Variants in RIMS3 observed in about 807,000 individuals in gnomAD.
RIMS3 encodes the protein regulating synaptic membrane exocytosis protein 3.
Under a neutral mutation model 29.2 loss-of-function variants are expected in RIMS3, and 15 were observed. That is an observed-to-expected ratio of 0.51 (90% CI 0.34 to 0.79). The LOEUF is 0.79. Among genes scored for constraint, RIMS3 ranks in the 30% least tolerant of loss-of-function variants. The pLI is 0.01. For synonymous variants in RIMS3, 161 were observed against 170.1 expected, an observed-to-expected ratio of 0.95 and a Z score of 0.41; for missense variants, 342 against 421.4, an observed-to-expected ratio of 0.81 and a Z score of 1.65.
rs1055186908 is a variant in RIMS3 at position 40,625,944 on chromosome 1, C to T, written c.*573G>A. On this transcript the variant is annotated 3_prime_UTR_variant, in exon 8 of 8. Transcript: ENST00000372684. ...TCAGTGGCAGGAAGAGCTGCCGGAG[C>T]GGCTCCAGTGGGGTGGGGTTCCCAG... is the stretch of plus-strand genomic sequence containing the variant. 20 of 168,592 alleles carry T rather than the reference C, an allele frequency of 1.2e-4. No individual in the cohort carries two copies. In the South Asian group the frequency reaches 1.4e-3, roughly 12 times the overall value. 10.4% of individuals were successfully genotyped at this position (168,592 alleles called of 1,614,324 possible).
chr1:40,644,231 T>C (rs1646579913), intron 2 of RIMS3, among the ~76,000 whole-genome samples: 1 of 152,238 alleles, frequency 6.6e-6, no homozygotes, highest in Non-Finnish European at 1.5e-5. Context: ...TGTGAGACAA[T>C]ACATTTTCCA....
chr1:40,626,400 A>G lies in RIMS3; in HGVS notation c.*117T>C. 1.0e-6 allele frequency: 1 copy of G among 963,206 alleles called. No homozygotes were observed. Among genetic ancestry groups the G allele is most frequent in the Non-Finnish European group, 1.6e-6 (1 of 622,058 alleles). 59.7% of individuals were successfully genotyped at this position (963,206 alleles called of 1,614,324 possible). ...GCCAGCTGGGATGAGCCCAGTAGCC[A>G]ACAGGCATGCAGCAGGACAAGGGGT... On this transcript the variant is annotated 3_prime_UTR_variant, in exon 8 of 8. Transcript: ENST00000372684.
intron 1 of RIMS3, among the ~76,000 whole-genome samples, chr1:40,660,369 T>C (rs905456444): frequency 1.3e-5 from 2 of 151,116 alleles, no homozygotes; most frequent in Admixed American, 1.3e-4. Flanking sequence ...CTGCAGATTG[T>C]TGGGGCTTCT....
the RIMS3 span, chr1:40,692,062 C>G: frequency 4.9e-6 from 1 of 203,132 alleles, no homozygotes; most frequent in South Asian, 4.6e-5. Flanking sequence ...TCGTGGGGTC[C>G]GTGTGCCTCG....
At chr1:40,680,152 A>G in the RIMS3 span, among the ~76,000 whole-genome samples, 1 of 152,072 alleles carries the variant, frequency 6.6e-6, no homozygotes, top group Admixed American at 6.6e-5. Flanking sequence ...AAAACAAAAC[A>G]AAACAAAAAA....
rs1373233382 is a variant in RIMS3, at chr1:40,626,438, G to A, written c.*79C>T. 9.1e-6 allele frequency: 12 copies of A among 1,316,408 alleles called. No individual in the cohort carries two copies. Among genetic ancestry groups the A allele is most frequent in the South Asian group, 1.3e-5 (1 of 79,282 alleles). 81.5% of individuals were successfully genotyped at this position (1,316,408 alleles called of 1,614,324 possible). Reference sequence around the variant, plus strand: ...CAGGACAAGGGGTCCAGAAAGACACGAAGACTATGTACAGGGGAGGACATG... The same window carrying A: ...CAGGACAAGGGGTCCAGAAAGACACAAAGACTATGTACAGGGGAGGACATG... On this transcript the variant is annotated 3_prime_UTR_variant, in exon 8 of 8. Transcript: ENST00000372684.
intron 1 of RIMS3, among the ~76,000 whole-genome samples, chr1:40,663,499 T>C (rs1365940159): frequency 6.6e-6 from 1 of 152,134 alleles, no homozygotes; most frequent in East Asian, 1.9e-4. Flanking sequence ...AGGCTCCAGC[T>C]GATGCAATGC....
chr1:40,646,784 C>A (rs1490728182), intron 2 of RIMS3, among the ~76,000 whole-genome samples: 1 of 152,132 alleles, frequency 6.6e-6, no homozygotes, highest in East Asian at 1.9e-4. Context: ...AAAGGGCCCT[C>A]CAAACTCTCT....
the RIMS3 span, among the ~76,000 whole-genome samples, chr1:40,689,870 C>T: frequency 1.3e-5 from 2 of 152,172 alleles, no homozygotes; most frequent in African/African-American, 4.8e-5. Flanking sequence ...ACTCCCTTCC[C>T]CTGGGATCCC....
chr1:40,687,338 A>T, the RIMS3 span, among the ~76,000 whole-genome samples: 5 of 152,156 alleles, frequency 3.3e-5, no homozygotes, highest in African/African-American at 1.2e-4. Context: ...GCGGTGGCTC[A>T]CGTCTGTAAT....
chr1:40,623,857 C>A lies in RIMS3; in HGVS notation c.*2660G>T. 1 of 271,036 alleles carries A rather than the reference C, an allele frequency of 3.7e-6. No individual in the cohort carries two copies. The allele number at this position is 271,036 out of a possible 1,614,324, so 16.8% of individuals were successfully genotyped here. A position where few individuals can be genotyped will look rare whatever the true frequency, so the allele number is the denominator to read the frequency against. On this transcript the variant is annotated 3_prime_UTR_variant, in exon 8 of 8. Coordinates refer to ENST00000372684, the MANE Select transcript of RIMS3 (RefSeq NM_014747.3). ...ACACAGACGTGTCAGCCTCACACAA[C>A]TTTACCCTCATGGGGTAAAATCCAG... is the stretch of plus-strand genomic sequence containing the variant.
Position 40,623,628 on chromosome 1 carries a change from G to A in RIMS3, c.*2889C>T, listed in dbSNP as rs927223891. ...ATGGCAGTGAGTTGGCCCCAGGGTG[G>A]GAGACTTCTGGAGGGATCATGTTCC... On this transcript the variant is annotated 3_prime_UTR_variant, in exon 8 of 8. Transcript: ENST00000372684. 7.5e-6 allele frequency: 3 copies of A among 397,808 alleles called. No individual in the cohort carries two copies. The highest frequency in any genetic ancestry group is 1.3e-5 in the Non-Finnish European group (3 of 225,948). 24.6% of individuals were successfully genotyped at this position (397,808 alleles called of 1,614,324 possible). A position where few individuals can be genotyped will look rare whatever the true frequency, so the allele number is the denominator to read the frequency against.
rs1476803734 is a variant in RIMS3, at chr1:40,654,397, C to G, written c.-206-6555G>C. 1.3e-5 allele frequency among the ~76,000 whole-genome samples: 2 copies of G among 152,160 alleles called. No homozygotes were observed. Among genetic ancestry groups the G allele is most frequent in the Admixed American group, 6.5e-5 (1 of 15,278 alleles). On this transcript the variant is annotated intron_variant, in intron 1 of 7. Transcript: ENST00000372684. This position sits in a 1 kb window ranked among gnomAD's most constrained non-coding sequence, Gnocchi z 5.3. ...TCCACCCCCGGACCCTTTCAGGGCA[C>G]AAAGACCCGCACGCAAGCCATACAC...
intron 1 of RIMS3, among the ~76,000 whole-genome samples, chr1:40,649,086 G>A (rs1369875007): frequency 6.6e-6 from 1 of 152,194 alleles, no homozygotes; most frequent in African/African-American, 2.4e-5. Flanking sequence ...CTGTGCCAAG[G>A]AAGCACACCC....
rs1171972323 is a variant in RIMS3 at position 40,641,722 on chromosome 1, C to A, written c.204G>T (p.Gln68His). ...ATGCCCCCTCACCAGGCTGCGGAAGCTGGAGTGTGCTCTTGCTCCACTGAG... is the reference window on the plus strand; with the variant it reads ...ATGCCCCCTCACCAGGCTGCGGAAGATGGAGTGTGCTCTTGCTCCACTGAG... ...GLTQWSKSTL[Q>H]LPQPEGATKK... is the part of the protein sequence containing the mutation. The change falls in exon 3 of 8, where the codon CAG (glutamine) becomes CAT (histidine). Residue 68 changes from glutamine to histidine, a missense_variant. By Grantham distance (24) the Gln-to-His change is conservative. Coordinates refer to ENST00000372684, the MANE Select transcript of RIMS3 (RefSeq NM_014747.3). The A allele has an allele frequency of 3.1e-6, 5 of 1,613,870 alleles. No homozygotes were observed. Among genetic ancestry groups the A allele is most frequent in the African/African-American group, 1.3e-5 (1 of 74,936 alleles).
At chr1:40,686,703 C>T in the RIMS3 span, among the ~76,000 whole-genome samples, 1 of 152,174 alleles carries the variant, frequency 6.6e-6, no homozygotes, top group Non-Finnish European at 1.5e-5. Context: ...TCCCTAACCC[C>T]TCAATCGCCA....
At chr1:40,645,900 T>A (rs1217833230) in intron 2 of RIMS3, among the ~76,000 whole-genome samples, 2 of 152,068 alleles carry the variant, frequency 1.3e-5, no homozygotes, top group Admixed American at 1.3e-4. Context: ...GCTGGAGAAC[T>A]GAAAAATGCT....
the RIMS3 span, chr1:40,690,820 C>T: frequency 1.3e-5 from 2 of 152,190 alleles, no homozygotes; most frequent in Non-Finnish European, 1.5e-5. Context: ...TCAAGGTTAC[C>T]ATCAGCAGAG....
At chr1:40,642,576 C>T (rs1570183173) in intron 2 of RIMS3, among the ~76,000 whole-genome samples, 1 of 152,150 alleles carries the variant, frequency 6.6e-6, no homozygotes. Context: ...TAGCCTATTC[C>T]CTTCCAGCCA....
Sources: gnomAD v4.1 joint callset for allele counts (sites outside exome capture counted in the v4.1 genomes callset) on GRCh38, gnomAD v4.1.1 for gene constraint, Gnocchi (gnomAD v3.1) non-coding constraint, MANE v1.5 for transcripts, NCBI Gene and HGNC (gene_info 2026-07-23, HGNC 2026-07-21) for gene names.